MEF2A: variants seen among roughly 807,000 people sequenced by gnomAD.
MEF2A encodes myocyte-specific enhancer factor 2A.
In MEF2A, 28 loss-of-function variants were observed where a neutral mutation model predicts 55.8. The ratio of observed to expected loss-of-function variants is 0.50; its 90% CI spans 0.37 to 0.69. The LOEUF is 0.69. Ranked by LOEUF, MEF2A falls within the 30% of genes least tolerant of loss-of-function variation. MEF2A has a pLI of 0.00. For synonymous variants in MEF2A, 239 were observed against 227.1 expected, an observed-to-expected ratio of 1.05 and a Z score of -0.47; for missense variants, 528 against 626.2, an observed-to-expected ratio of 0.84 and a Z score of 1.67.
chr15:99,707,849 G>A (rs959265380), intron 10 of MEF2A, among the ~76,000 whole-genome samples: 2 of 152,128 alleles, frequency 1.3e-5, no homozygotes, highest in African/African-American at 4.8e-5. Flanking sequence ...CCGCAGCTAC[G>A]TGAGGGGACA....
intron 4 of MEF2A, among the ~76,000 whole-genome samples, chr15:99,649,662 A>G (rs966553968): frequency 6.6e-6 from 1 of 152,184 alleles, no homozygotes; most frequent in Non-Finnish European, 1.5e-5. Context: ...TTTTACAGGA[A>G]TACTAGGTAT....
intron 2 of MEF2A, among the ~76,000 whole-genome samples, chr15:99,630,346 T>A (rs986443019): frequency 6.6e-6 from 1 of 151,748 alleles, no homozygotes; most frequent in African/African-American, 2.4e-5. Context: ...GGGTTGATTC[T>A]TTCTTCAGCT....
intron 10 of MEF2A, 146 bp from the exon 11 acceptor site, chr15:99,710,488 C>T (rs1317251590): frequency 6.7e-6 from 6 of 892,384 alleles, no homozygotes; most frequent in South Asian, 1.7e-5. Flanking sequence ...AGTGATCCGC[C>T]CATCTTGGCC....
At chr15:99,692,293 C>T (rs2055633601) in intron 8 of MEF2A, among the ~76,000 whole-genome samples, 2 of 152,176 alleles carry the variant, frequency 1.3e-5, no homozygotes, top group Admixed American at 1.3e-4. Context: ...AGGACCAAAT[C>T]TCTAAGTCTT....
At chr15:99,667,321 C>T (rs1272771320) in intron 4 of MEF2A, among the ~76,000 whole-genome samples, 17 of 152,040 alleles carry the variant, frequency 1.1e-4, no homozygotes, top group Non-Finnish European at 2.9e-5. Context: ...CCCGGGTTTA[C>T]GCCATTCTCC....
chr15:99,630,768 C>T (rs531705126), intron 2 of MEF2A, among the ~76,000 whole-genome samples: 4 of 152,208 alleles, frequency 2.6e-5, no homozygotes, highest in Admixed American at 2.0e-4. Context: ...TCTCTTCCTG[C>T]GTGGGCTAGT....
intron 9 of MEF2A, among the ~76,000 whole-genome samples, chr15:99,706,104 CTGTCGGCAGTACT>C (rs1165597797): frequency 3.9e-5 from 6 of 152,222 alleles, no homozygotes; most frequent in African/African-American, 1.4e-4. Context: ...TTCCACTGCC[CTGTCGGCAGTACT>C]TGATTCAAAA....
rs868004044 is a variant in MEF2A at position 99,712,707 on chromosome 15, C to A, written c.1454C>A (p.Pro485Gln). 6.4e-7 allele frequency: 1 copy of A among 1,565,336 alleles called. No homozygotes were observed. The highest frequency in any genetic ancestry group is 2.4e-5 in the East Asian group (1 of 42,020). Residue 485 changes from proline to glutamine, a missense_variant, in exon 12 of 12, where the codon CCA becomes CAA. Transcript: ENST00000557942. The surrounding 1 kb of genome is among the most constrained non-coding windows in gnomAD (Gnocchi z 4.1). ...FHSPIVLGRP[P>Q]NTEDRESPSV... ...TCTCCAATTGTGCTTGGCCGACCCC[C>A]AAACACTGAGGACAGAGAAAGCCCT...
chr15:99,598,177 G>A (rs1469144385), intron 1 of MEF2A, among the ~76,000 whole-genome samples: 1 of 152,168 alleles, frequency 6.6e-6, no homozygotes, highest in Non-Finnish European at 1.5e-5. Flanking sequence ...ATCTCGCGAT[G>A]CAAAGAATAT....
chr15:99,708,053 T>TA (rs1269467084), intron 10 of MEF2A, among the ~76,000 whole-genome samples: 9 of 152,226 alleles, frequency 5.9e-5, no homozygotes, highest in African/African-American at 2.2e-4. Context: ...CATAGCCTGT[T>TA]ATTAGTGCCT....
At chr15:99,587,910 G>A (rs1001734876) in intron 1 of MEF2A, among the ~76,000 whole-genome samples, 15 of 151,532 alleles carry the variant, frequency 9.9e-5, no homozygotes, top group Admixed American at 9.9e-4. Flanking sequence ...CAATCTGGAT[G>A]CCTTTTCTTT....
At chr15:99,679,319 A>G (rs1206195257) in intron 7 of MEF2A, among the ~76,000 whole-genome samples, 2 of 152,260 alleles carry the variant, frequency 1.3e-5, no homozygotes, top group African/African-American at 4.8e-5. Flanking sequence ...TAGAAATAGT[A>G]CAGATCTCTG....
intron 4 of MEF2A, chr15:99,657,324 T>A (rs1167724391): frequency 6.8e-6 from 1 of 147,900 alleles, no homozygotes; most frequent in African/African-American, 2.5e-5. Context: ...AAAAAAAAAA[T>A]AGCAAAAACA....
rs1177793004 is a variant in MEF2A at position 99,601,839 on chromosome 15, GTGTGTGTGTGTGTGTGTGTC to G, written c.-143+3329_-143+3348del. On this transcript the variant is annotated intron_variant, in intron 2 of 11. Transcript: ENST00000557942. ...TGTGTGTGTGTGTGTGTGTGTGTGT[GTGTGTGTGTGTGTGTGTGTC>G]AGGGTAATGCTGGTCTCAGAATGAG... is the stretch of plus-strand genomic sequence containing the variant. Among the ~76,000 whole-genome samples the G allele has an allele frequency of 2.0e-3, 265 of 129,810 alleles. 1 individual carries two copies. Among genetic ancestry groups the G allele is most frequent in the African/African-American group, 6.1e-3 (234 of 38,474 alleles). The allele number at this position is 129,810 out of a possible 152,430, so 85.2% of individuals were successfully genotyped here.
Position 99,614,893 on chromosome 15 carries a change from G to T in MEF2A, c.-143+16382G>T, listed in dbSNP as rs76232281. Among the ~76,000 whole-genome samples, 699 of 152,258 alleles carry T rather than the reference G, an allele frequency of 4.6e-3. 10 individuals are homozygous for T. The highest frequency in any genetic ancestry group is 0.016 in the African/African-American group (649 of 41,548). On this transcript the variant is annotated intron_variant, in intron 2 of 11. Coordinates refer to ENST00000557942, the MANE Select transcript of MEF2A (RefSeq NM_001319206.4). ...AGCTTGCTGGGCAAGAGGAAGTGTG[G>T]CATGGAATGAGGAGTTCCATGAGTA... is the stretch of plus-strand genomic sequence containing the variant.
intron 2 of MEF2A, among the ~76,000 whole-genome samples, chr15:99,620,059 G>A (rs1184574792): frequency 1.3e-5 from 2 of 151,974 alleles, no homozygotes; most frequent in African/African-American, 2.4e-5. Context: ...ACTTTTTTTC[G>A]TACCACGACA....
At chr15:99,607,584 C>T (rs1975608726) in intron 2 of MEF2A, among the ~76,000 whole-genome samples, 1 of 151,944 alleles carries the variant, frequency 6.6e-6, no homozygotes, top group South Asian at 2.1e-4. Context: ...TTTTTTCCCC[C>T]AGTAGTTATG....
chr15:99,706,276 G>A (rs973274725), intron 9 of MEF2A, among the ~76,000 whole-genome samples: 1 of 152,210 alleles, frequency 6.6e-6, no homozygotes, highest in African/African-American at 2.4e-5. Context: ...ACTTCAAACC[G>A]TGTTAACACG....
chr15:99,610,556 C>G (rs1396056128), intron 2 of MEF2A, among the ~76,000 whole-genome samples: 2 of 151,700 alleles, frequency 1.3e-5, no homozygotes, highest in African/African-American at 2.4e-5. Flanking sequence ...GAATTTACTA[C>G]AAAGCTACTG....
Sources: gnomAD v4.1 joint callset for allele counts (sites outside exome capture counted in the v4.1 genomes callset) on GRCh38, gnomAD v4.1.1 for gene constraint, Gnocchi (gnomAD v3.1) non-coding constraint, MANE v1.5 for transcripts, NCBI Gene and HGNC (gene_info 2026-07-23, HGNC 2026-07-21) for gene names.